Variants in ULK2 observed in about 807,000 individuals in gnomAD.
The protein encoded by ULK2 is unc-51 like autophagy activating kinase 2.
In ULK2, 76 loss-of-function variants were observed where a neutral mutation model predicts 127.5. The ratio of observed to expected loss-of-function variants is 0.60; its 90% CI spans 0.50 to 0.72. The LOEUF is 0.72. ULK2 is among the 30% of genes least tolerant of loss of function. The probability of loss-of-function intolerance (pLI) is 0.00; values close to 1 mark genes in which losing one functional copy is unlikely to be tolerated. For synonymous variants in ULK2, 452 were observed against 461.9 expected (o/e 0.98, Z 0.28); for missense variants, 1,144 against 1,295.9 (o/e 0.88, Z 1.80).
chr17:19,865,423 A>T (rs1347530470), intron 2 of ULK2, among the ~76,000 whole-genome samples: 1 of 152,192 alleles, frequency 6.6e-6, no homozygotes, highest in Non-Finnish European at 1.5e-5. Context: ...ATGAAAGGGG[A>T]CAACAGGAGA....
At chr17:19,815,546 G>A (rs1032111156) in intron 13 of ULK2, among the ~76,000 whole-genome samples, 1 of 152,198 alleles carries the variant, frequency 6.6e-6, no homozygotes, top group African/African-American at 2.4e-5. Flanking sequence ...CTCCCAAAGT[G>A]GTGGGATTAC....
intron 10 of ULK2, 100 bp downstream of exon 10, chr17:19,838,401 T>A: frequency 9.4e-7 from 1 of 1,063,756 alleles, no homozygotes; most frequent in South Asian, 1.5e-5. Context: ...AAAAGAAAAG[T>A]GAAACTGACT....
At chr17:19,794,343 G>A (rs1163799119) in intron 20 of ULK2, among the ~76,000 whole-genome samples, 1 of 152,130 alleles carries the variant, frequency 6.6e-6, no homozygotes, top group East Asian at 1.9e-4. Flanking sequence ...GAATGAGAGA[G>A]AGAAGCAGAA....
intron 12 of ULK2, among the ~76,000 whole-genome samples, chr17:19,821,675 A>C (rs2041148707): frequency 6.6e-6 from 1 of 152,124 alleles, no homozygotes; most frequent in Non-Finnish European, 1.5e-5. Context: ...AAATGTTCGT[A>C]CTTTCCTTTT....
intron 9 of ULK2, among the ~76,000 whole-genome samples, chr17:19,839,030 GAA>G (rs764888384): frequency 2.2e-5 from 3 of 134,646 alleles, no homozygotes; most frequent in Non-Finnish European, 3.2e-5. Context: ...GACTCCATCT[GAA>G]AAAAAAAAAA....
Position 19,806,808 on chromosome 17 carries a change from G to A in ULK2, c.1158-1978C>T, listed in dbSNP as rs73295805. Among the ~76,000 whole-genome samples, 1,181 of 152,290 alleles carry A rather than the reference G, an allele frequency of 7.8e-3. 15 individuals are homozygous for A. The highest frequency in any genetic ancestry group is 0.026 in the African/African-American group (1,095 of 41,554). The stretch of plus-strand genomic sequence containing the variant: ...ATTCACAACATTCTCTGTGTGGACC[G>A]TCATCTTGGACCCATATGAAATACT... On this transcript the variant is annotated intron_variant, in intron 14 of 26. Coordinates refer to ENST00000395544, the MANE Select transcript of ULK2 (RefSeq NM_014683.4).
chr17:19,855,837 TA>T (rs1171808749), intron 3 of ULK2: 1 of 152,088 alleles, frequency 6.6e-6, no homozygotes, highest in Non-Finnish European at 1.5e-5. Context: ...TACCCAGATA[TA>T]AATAGCTCTT....
intron 10 of ULK2, among the ~76,000 whole-genome samples, chr17:19,830,392 G>A (rs963871655): frequency 1.3e-5 from 2 of 151,984 alleles, no homozygotes; most frequent in African/African-American, 4.8e-5. Flanking sequence ...TGTAGAGACA[G>A]GTTCTCACTA....
intron 22 of ULK2, among the ~76,000 whole-genome samples, chr17:19,783,066 T>C (rs1467588233): frequency 2.0e-5 from 3 of 152,232 alleles, no homozygotes; most frequent in Non-Finnish European, 4.4e-5. Context: ...AAGATGAGAA[T>C]CATTTTCCTA....
intron 9 of ULK2, 76 bp from the exon 10 acceptor site, chr17:19,838,659 G>C (rs1206091569): frequency 1.1e-5 from 14 of 1,267,232 alleles, no homozygotes; most frequent in Non-Finnish European, 7.9e-6. Context: ...CTTCCATATA[G>C]TAAACTAAAA....
chr17:19,781,729 G>A (rs1481985093), intron 23 of ULK2, among the ~76,000 whole-genome samples, 160 bp downstream of exon 23: 8 of 152,206 alleles, frequency 5.3e-5, no homozygotes, highest in African/African-American at 1.9e-4. Flanking sequence ...TAATCTCCAG[G>A]TCTTGGCTCA....
intron 9 of ULK2, among the ~76,000 whole-genome samples, chr17:19,839,794 A>G (rs1450828656): frequency 6.6e-6 from 1 of 152,196 alleles, no homozygotes; most frequent in Non-Finnish European, 1.5e-5. Flanking sequence ...GTGCAGCATC[A>G]AATCTGCTAA....
At chr17:19,809,503 C>A (rs962102580) in intron 14 of ULK2, among the ~76,000 whole-genome samples, 1 of 151,918 alleles carries the variant, frequency 6.6e-6, no homozygotes, top group Non-Finnish European at 1.5e-5. Context: ...GAGGCCGAGG[C>A]GGGCAATCAC....
chr17:19,787,684 G>C (rs1233346291), intron 20 of ULK2, among the ~76,000 whole-genome samples: 1 of 152,096 alleles, frequency 6.6e-6, no homozygotes, highest in East Asian at 1.9e-4. Flanking sequence ...AAAATAGAAG[G>C]CTCCACCAAT....
intron 15 of ULK2, among the ~76,000 whole-genome samples, chr17:19,802,999 A>C (rs1261464809): frequency 6.6e-6 from 1 of 152,242 alleles, no homozygotes; most frequent in African/African-American, 2.4e-5. Flanking sequence ...AAGGTATAAC[A>C]GAAGCTGTCA....
intron 21 of ULK2, among the ~76,000 whole-genome samples, chr17:19,785,410 AC>A (rs2087007376): frequency 6.6e-6 from 1 of 151,812 alleles, no homozygotes; most frequent in Non-Finnish European, 1.5e-5. Flanking sequence ...ACAGGTTTTC[AC>A]CATGTTGGCC....
chr17:19,818,939 T>C (rs940428814), intron 12 of ULK2, among the ~76,000 whole-genome samples: 1 of 151,904 alleles, frequency 6.6e-6, no homozygotes, highest in Admixed American at 6.6e-5. Context: ...TAGCTGGGAT[T>C]GCAGGCATCT....
At chr17:19,782,906 ACT>A (rs1391879061) in intron 22 of ULK2, among the ~76,000 whole-genome samples, 4 of 143,066 alleles carry the variant, frequency 2.8e-5, no homozygotes, top group Non-Finnish European at 4.5e-5. Flanking sequence ...ACAGAGCAAG[ACT>A]CTGTCTCAAA....
At position 19,775,571 on chromosome 17, in the gene ULK2, T is replaced by TA. The variant is rs36065454; in HGVS notation, c.*777dup. 140,915 of 148,748 alleles carry TA rather than the reference T, an allele frequency of 0.95. 66,932 individuals are homozygous for TA. The highest frequency in any genetic ancestry group is 0.98 in the African/African-American group (39,702 of 40,612). The allele number at this position is 148,748 out of a possible 1,614,324, so 9.2% of individuals were successfully genotyped here. A position where few individuals can be genotyped will look rare whatever the true frequency, so the allele number is the denominator to read the frequency against. On this transcript the variant is annotated 3_prime_UTR_variant, in exon 27 of 27. Transcript: ENST00000395544. ...AAATCTGTAGGTGTAGATAAAGAAG[T>TA]AAAAAAAAAAAATGTGCAAAGGTTC... is the stretch of plus-strand genomic sequence containing the variant.
Sources: gnomAD v4.1 joint callset for allele counts (sites outside exome capture counted in the v4.1 genomes callset) on GRCh38, gnomAD v4.1.1 for gene constraint, MANE v1.5 for transcripts, NCBI Gene and HGNC (gene_info 2026-07-23, HGNC 2026-07-21) for gene names.